The following ERBB4 variants were observed in gnomAD, a reference collection of about 807,000 sequenced individuals.
ERBB4 encodes receptor tyrosine-protein kinase erbB-4.
A neutral mutation model predicts 158.0 loss-of-function variants in ERBB4; 42 were observed. The observed-to-expected ratio is 0.27, with a 90% CI of 0.21 to 0.34. The LOEUF is 0.34. ERBB4 is among the 10% of genes least tolerant of loss of function. ERBB4 has a pLI of 1.00. For synonymous variants in ERBB4, 583 were observed against 558.7 expected (o/e 1.04, Z -0.61); for missense variants, 1,333 against 1,624.1 (o/e 0.82, Z 3.08).
chr2:211,712,744 TAAAC>T (rs1030123224), intron 8 of ERBB4, among the ~76,000 whole-genome samples: 1 of 146,762 alleles, frequency 6.8e-6, no homozygotes, highest in Non-Finnish European at 1.5e-5. Flanking sequence ...GCTTCTAATT[TAAAC>T]AAACAAACAA....
At chr2:211,392,558 CCACA>C (rs5838261) in intron 25 of ERBB4, among the ~76,000 whole-genome samples, 1,648 of 140,982 alleles carry the variant, frequency 0.012, 20 homozygotes, top group Middle Eastern at 0.036. Context: ...CTCTCTTACT[CCACA>C]CACACACACA....
intron 1 of ERBB4, among the ~76,000 whole-genome samples, chr2:212,169,643 T>C (rs2081453595): frequency 6.6e-6 from 1 of 152,134 alleles, no homozygotes; most frequent in Admixed American, 6.6e-5. Context: ...TGTGTTACCA[T>C]CAAAATCTCA....
rs182015653 is a variant in ERBB4 at position 211,499,956 on chromosome 2, T to C, written c.2487+61947A>G. 2.4e-3 allele frequency among the ~76,000 whole-genome samples: 370 copies of C among 151,846 alleles called. 2 individuals are homozygous for C. The highest frequency in any genetic ancestry group is 8.4e-3 in the African/African-American group (348 of 41,504). On this transcript the variant is annotated intron_variant, in intron 20 of 27. Coordinates refer to ENST00000342788, the MANE Select transcript of ERBB4 (RefSeq NM_005235.3). The stretch of plus-strand genomic sequence containing the variant: ...ATCCTGCATGTAGATGACAAGAGAA[T>C]ACTAAAGAAATGCATAATGATGTAC...
intron 2 of ERBB4, among the ~76,000 whole-genome samples, chr2:212,100,292 G>GTA (rs2125514917): frequency 6.6e-6 from 1 of 152,304 alleles, no homozygotes; most frequent in Admixed American, 6.5e-5. Flanking sequence ...AGGTGATGAA[G>GTA]AGAGGACAGG....
chr2:212,267,282 C>T (rs1234625989), intron 1 of ERBB4, among the ~76,000 whole-genome samples: 1 of 151,702 alleles, frequency 6.6e-6, no homozygotes, highest in Non-Finnish European at 1.5e-5. Context: ...AAATAATTCC[C>T]CATGAAAATT....
chr2:212,530,843 C>T lies in ERBB4; in HGVS notation c.82+7606G>A, dbSNP rs554945751. Among the ~76,000 whole-genome samples the T allele has an allele frequency of 3.9e-5, 6 of 152,252 alleles. No homozygotes were observed. In the East Asian group the frequency reaches 1.2e-3, roughly 29 times the overall value. ...CAGGTGAAACCGATTGTTTACAAGTCTAATCTTTGTGGAAAATAAAAGAGT... is the reference window on the plus strand; with the variant it reads ...CAGGTGAAACCGATTGTTTACAAGTTTAATCTTTGTGGAAAATAAAAGAGT... On this transcript the variant is annotated intron_variant, in intron 1 of 27. Coordinates refer to ENST00000342788, the MANE Select transcript of ERBB4 (RefSeq NM_005235.3).
At chr2:211,905,992 G>A (rs558528365) in intron 3 of ERBB4, among the ~76,000 whole-genome samples, 1 of 151,534 alleles carries the variant, frequency 6.6e-6, no homozygotes, top group South Asian at 2.1e-4. Context: ...GGGAGAGAGG[G>A]GAAAAGATTA....
intron 1 of ERBB4, among the ~76,000 whole-genome samples, chr2:212,163,912 C>T (rs1213116787): frequency 6.6e-6 from 1 of 152,018 alleles, no homozygotes; most frequent in Non-Finnish European, 1.5e-5. Flanking sequence ...CCTGTCTTGG[C>T]CTTCCAAGTA....
At chr2:212,136,756 T>G (rs918778325) in intron 1 of ERBB4, among the ~76,000 whole-genome samples, 1 of 152,188 alleles carries the variant, frequency 6.6e-6, no homozygotes. Context: ...TTAACGACCC[T>G]TTTAAAATTA....
intron 25 of ERBB4, among the ~76,000 whole-genome samples, chr2:211,410,591 C>T (rs1048047878): frequency 6.6e-5 from 10 of 152,142 alleles, no homozygotes; most frequent in Non-Finnish European, 1.0e-4. Context: ...GGAATTCATA[C>T]TGTACCATAA....
chr2:212,469,861 T>C (rs1689027045), intron 1 of ERBB4, among the ~76,000 whole-genome samples: 1 of 152,120 alleles, frequency 6.6e-6, no homozygotes, highest in Non-Finnish European at 1.5e-5. Context: ...CCTGCACCTA[T>C]TCCTGTTTCT....
At chr2:211,821,547 G>A (rs147741740) in intron 3 of ERBB4, among the ~76,000 whole-genome samples, 6 of 151,678 alleles carry the variant, frequency 4.0e-5, no homozygotes, top group South Asian at 2.1e-4. Context: ...CACAAATGAC[G>A]CTAAACAGAC....
intron 20 of ERBB4, among the ~76,000 whole-genome samples, chr2:211,519,540 A>G (rs1335298930): frequency 1.3e-5 from 2 of 152,140 alleles, no homozygotes; most frequent in South Asian, 2.1e-4. Context: ...TTTTCTCAAA[A>G]AGCAAAAGTG....
At chr2:212,093,417 C>G (rs1161979485) in intron 2 of ERBB4, among the ~76,000 whole-genome samples, 1 of 152,120 alleles carries the variant, frequency 6.6e-6, no homozygotes. Flanking sequence ...AGAAACAGAA[C>G]TCAGAAGATG....
At chr2:212,443,169 G>A (rs897138884) in intron 1 of ERBB4, among the ~76,000 whole-genome samples, 3 of 152,180 alleles carry the variant, frequency 2.0e-5, no homozygotes, top group Non-Finnish European at 4.4e-5. Context: ...TACCTTTACT[G>A]TCCTACCTCA....
chr2:211,618,951 A>G (rs2069492237), intron 19 of ERBB4, among the ~76,000 whole-genome samples: 1 of 152,106 alleles, frequency 6.6e-6, no homozygotes, highest in Non-Finnish European at 1.5e-5. Context: ...GAAACTCTAA[A>G]GGCAAGTTCT....
At chr2:211,758,473 T>C (rs1232780005) in intron 4 of ERBB4, among the ~76,000 whole-genome samples, 1 of 152,232 alleles carries the variant, frequency 6.6e-6, no homozygotes, top group Non-Finnish European at 1.5e-5. Context: ...CAGGCACTTT[T>C]AAAGCATTAA....
intron 19 of ERBB4, among the ~76,000 whole-genome samples, chr2:211,587,275 A>G (rs1237030360): frequency 6.6e-6 from 1 of 152,016 alleles, no homozygotes; most frequent in Admixed American, 6.5e-5. Flanking sequence ...GAACTGCTTG[A>G]ACCCGGGAGG....
chr2:211,382,284 C>T lies in ERBB4; in HGVS notation c.*1331G>A, dbSNP rs749624623. 2.6e-5 allele frequency: 6 copies of T among 231,826 alleles called. No individual in the cohort carries two copies. The highest frequency in any genetic ancestry group is 5.1e-5 in the Non-Finnish European group (6 of 117,174). 14.4% of individuals were successfully genotyped at this position (231,826 alleles called of 1,614,324 possible). Reference sequence around the variant, plus strand: ...CTCGCATTCCTTCTTACGAAGTATACGAACTGAACAAATTTCCTTGCGTAG... The same window carrying T: ...CTCGCATTCCTTCTTACGAAGTATATGAACTGAACAAATTTCCTTGCGTAG... On this transcript the variant is annotated 3_prime_UTR_variant, in exon 28 of 28. Coordinates refer to ENST00000342788, the MANE Select transcript of ERBB4 (RefSeq NM_005235.3).
Sources: allele counts gnomAD v4.1 joint callset (sites outside exome capture counted in the v4.1 genomes callset), GRCh38; gene constraint gnomAD v4.1.1; transcripts MANE v1.5; gene names NCBI Gene and HGNC (gene_info 2026-07-23, HGNC 2026-07-21).